Variants in GPR39 observed in about 807,000 individuals in gnomAD.
GPR39 encodes the protein G protein-coupled receptor 39, also known as zinc sensing receptor.
In GPR39, 23 loss-of-function variants were observed where a neutral mutation model predicts 18.4. The observed-to-expected ratio is 1.25, with a 90% CI of 0.90 to 1.77. The LOEUF (loss-of-function observed/expected upper bound fraction) is 1.77, where lower values mean the gene tolerates loss of function less well. Among genes scored for constraint, GPR39 ranks in the 40% most tolerant of loss-of-function variants. The pLI is 0.00. For missense variants in GPR39, 647 were observed against 602.4 expected (o/e 1.07, Z -0.78); for synonymous variants, 280 against 257.9 (o/e 1.09, Z -0.82).
chr2:132,577,408 C>A (rs1425477090), intron 1 of GPR39, among the ~76,000 whole-genome samples: 2 of 152,034 alleles, frequency 1.3e-5, no homozygotes, highest in African/African-American at 4.8e-5. Flanking sequence ...ATTAGAATAA[C>A]CTTATCTATA....
At chr2:132,475,992 A>G (rs1347231075) in intron 1 of GPR39, among the ~76,000 whole-genome samples, 1 of 152,088 alleles carries the variant, frequency 6.6e-6, no homozygotes, top group Non-Finnish European at 1.5e-5. Flanking sequence ...AAGCTTGACT[A>G]ATTGTGATGT....
chr2:132,584,009 C>T (rs764833732), intron 1 of GPR39, among the ~76,000 whole-genome samples: 1 of 152,010 alleles, frequency 6.6e-6, no homozygotes. Flanking sequence ...ACATAGACCA[C>T]ACCTTTCTAG....
At chr2:132,592,232 A>T (rs546318386) in intron 1 of GPR39, among the ~76,000 whole-genome samples, 1 of 152,190 alleles carries the variant, frequency 6.6e-6, no homozygotes, top group East Asian at 1.9e-4. Context: ...AAGATCAAAC[A>T]TGGGAGTGAA....
At chr2:132,626,257 C>T (rs1328549598) in intron 1 of GPR39, among the ~76,000 whole-genome samples, 2 of 152,146 alleles carry the variant, frequency 1.3e-5, no homozygotes, top group Non-Finnish European at 2.9e-5. Context: ...TTAAATCAAC[C>T]CATAAGTACC....
At chr2:132,577,357 T>A (rs999688573) in intron 1 of GPR39, among the ~76,000 whole-genome samples, 4 of 151,644 alleles carry the variant, frequency 2.6e-5, no homozygotes, top group Non-Finnish European at 4.4e-5. Flanking sequence ...AAAAAAAAAA[T>A]TATTCTTGAT....
intron 1 of GPR39, among the ~76,000 whole-genome samples, chr2:132,506,653 TTA>T (rs1380245519): frequency 6.6e-6 from 1 of 152,114 alleles, no homozygotes; most frequent in Non-Finnish European, 1.5e-5. Flanking sequence ...GGGAAGGCCC[TTA>T]TAAAACCATC....
rs531269378 is a variant in GPR39, at chr2:132,632,166, C to G, written c.857-12935C>G. On this transcript the variant is annotated intron_variant, in intron 1 of 1. Transcript: ENST00000329321. ...TCCTTCCCCAGGACTGTTTCCAGGC[C>G]TGGCAGTGGGGGTGGGGTGGAAGTT... Among the ~76,000 whole-genome samples, 4 of 152,140 alleles carry G rather than the reference C, an allele frequency of 2.6e-5. No homozygotes were observed. The South Asian group carries it at 6.2e-4, about 24-fold the overall frequency.
chr2:132,553,417 CACACAAA>C (rs1323474809), intron 1 of GPR39, among the ~76,000 whole-genome samples: 1 of 150,546 alleles, frequency 6.6e-6, no homozygotes, highest in Non-Finnish European at 1.5e-5. Context: ...TATATGTACA[CACACAAA>C]TATATACATA....
chr2:132,487,748 A>C (rs1681370671), intron 1 of GPR39, among the ~76,000 whole-genome samples: 1 of 152,176 alleles, frequency 6.6e-6, no homozygotes, highest in Non-Finnish European at 1.5e-5. Flanking sequence ...CAATCCAGAG[A>C]GGTAAAGAGA....
At chr2:132,608,346 T>C (rs1681178031) in intron 1 of GPR39, among the ~76,000 whole-genome samples, 1 of 152,212 alleles carries the variant, frequency 6.6e-6, no homozygotes, top group Non-Finnish European at 1.5e-5. Flanking sequence ...AATTCCCAGC[T>C]GTCATAGGGA....
At chr2:132,634,923 G>A (rs1035910303) in intron 1 of GPR39, among the ~76,000 whole-genome samples, 1 of 152,190 alleles carries the variant, frequency 6.6e-6, no homozygotes, top group Non-Finnish European at 1.5e-5. Flanking sequence ...AGTTTTTAGT[G>A]TAGAGAACTC....
intron 1 of GPR39, among the ~76,000 whole-genome samples, chr2:132,531,458 T>C (rs951760492): frequency 6.6e-6 from 1 of 152,088 alleles, no homozygotes; most frequent in African/African-American, 2.4e-5. Context: ...GACAGAAAGT[T>C]AACAAGGATA....
At chr2:132,462,590 C>T (rs4525746) in intron 1 of GPR39, among the ~76,000 whole-genome samples, 70,705 of 152,144 alleles carry the variant, frequency 0.46, 19,357 homozygotes, top group Non-Finnish European at 0.62. Context: ...TTTCCTGCCT[C>T]CATTTTCTAC....
intron 1 of GPR39, among the ~76,000 whole-genome samples, chr2:132,435,667 T>A (rs890833616): frequency 1.3e-5 from 2 of 152,140 alleles, no homozygotes; most frequent in Admixed American, 6.5e-5. Context: ...AGAAAGAATT[T>A]TGGTTGAGGA....
At chr2:132,586,464 C>T (rs1680734394) in intron 1 of GPR39, among the ~76,000 whole-genome samples, 1 of 152,180 alleles carries the variant, frequency 6.6e-6, no homozygotes, top group African/African-American at 2.4e-5. Context: ...ATTTGCTGTA[C>T]CATCTGTTGT....
chr2:132,582,322 G>A lies in GPR39; in HGVS notation c.857-62779G>A, dbSNP rs543341993. Among the ~76,000 whole-genome samples, 10 of 152,320 alleles carry A rather than the reference G, an allele frequency of 6.6e-5. No individual in the cohort carries two copies. The East Asian group carries it at 9.6e-4, about 15-fold the overall frequency. ...GAGACTGCAGTGTTAAAGATCCTCC[G>A]TGAGCTGCTGTTTCAATTCATGATT... On this transcript the variant is annotated intron_variant, in intron 1 of 1. Coordinates refer to ENST00000329321, the MANE Select transcript of GPR39 (RefSeq NM_001508.3).
intron 1 of GPR39, among the ~76,000 whole-genome samples, chr2:132,493,161 C>CAT (rs1681539425): frequency 1.5e-5 from 2 of 134,608 alleles, no homozygotes; most frequent in Non-Finnish European, 3.1e-5. Flanking sequence ...ATATATATAC[C>CAT]ATATATACAC....
intron 1 of GPR39, among the ~76,000 whole-genome samples, chr2:132,475,645 C>T (rs768857598): frequency 1.3e-5 from 2 of 151,962 alleles, no homozygotes; most frequent in Non-Finnish European, 2.9e-5. Flanking sequence ...CGAGACAGGT[C>T]GAGGCTGCAC....
intron 1 of GPR39, among the ~76,000 whole-genome samples, chr2:132,534,521 T>C (rs1679709206): frequency 6.7e-6 from 1 of 148,926 alleles, no homozygotes; most frequent in Non-Finnish European, 1.5e-5. Context: ...ATCATGCTGC[T>C]ATGAAGACAC....
Sources: gnomAD v4.1 joint callset for allele counts (sites outside exome capture counted in the v4.1 genomes callset) on GRCh38, gnomAD v4.1.1 for gene constraint, MANE v1.5 for transcripts, NCBI Gene and HGNC (gene_info 2026-07-23, HGNC 2026-07-21) for gene names.